Variants in RAD54B observed in about 807,000 individuals in gnomAD.
The protein encoded by RAD54B is DNA repair and recombination protein RAD54B.
In RAD54B, 78 loss-of-function variants were observed where a neutral mutation model predicts 95.8. The ratio of observed to expected loss-of-function variants is 0.81; its 90% CI spans 0.68 to 0.98. RAD54B has a LOEUF of 0.98. Ranked by LOEUF, RAD54B falls within the 50% of genes least tolerant of loss-of-function variation. RAD54B has a pLI of 0.00. For missense variants in RAD54B, 957 were observed against 1,056.6 expected (o/e 0.91, Z 1.31); for synonymous variants, 328 against 354.9 (o/e 0.92, Z 0.85).
At chr8:94,431,943 C>G (rs1186950405) in intron 3 of RAD54B, 1 of 1,260,796 alleles carries the variant, frequency 7.9e-7, no homozygotes, top group Non-Finnish European at 1.0e-6. Flanking sequence ...AAAACTATAA[C>G]CATGCCAACC....
chr8:94,411,446 C>G (rs1307087023), intron 3 of RAD54B, 131 bp from the exon 4 acceptor site: 4 of 680,780 alleles, frequency 5.9e-6, no homozygotes, highest in Non-Finnish European at 9.2e-6. Flanking sequence ...AATATTTGAT[C>G]ATACTCATGT....
chr8:94,412,967 CAA>C (rs1811567179), intron 3 of RAD54B, among the ~76,000 whole-genome samples: 1 of 151,770 alleles, frequency 6.6e-6, no homozygotes, highest in African/African-American at 2.4e-5. Context: ...ACAGTAGCTC[CAA>C]AAAACAGACA....
rs529942562 is a variant in RAD54B at position 94,452,962 on chromosome 8, C to T, written c.304+5306G>A. ...CATCACAATACATGATAAATGCACT[C>T]CTCACGCATTGCTGATGAGAGTATA... On this transcript the variant is annotated intron_variant, in intron 3 of 14. Transcript: ENST00000336148. Among the ~76,000 whole-genome samples, 16 of 152,274 alleles carry T rather than the reference C, an allele frequency of 1.1e-4. No homozygotes were observed. In the South Asian group the frequency reaches 2.9e-3, roughly 28 times the overall value.
chr8:94,429,160 G>A (rs897023587), intron 3 of RAD54B: 3 of 960,244 alleles, frequency 3.1e-6, no homozygotes, highest in Admixed American at 6.2e-5. Flanking sequence ...TGTAAAAATA[G>A]GTTTCTTATT....
chr8:94,380,384 T>C lies in RAD54B; in HGVS notation c.2008A>G (p.Thr670Ala). The change falls in exon 12 of 15, where the codon ACA becomes GCA. Residue 670 changes from threonine to alanine, a missense_variant. Thr to Ala is a moderately conservative substitution (Grantham distance 58). Coordinates refer to ENST00000336148, the MANE Select transcript of RAD54B (RefSeq NM_012415.3). ...TCTTGTAAAATGTTCAAGGTTTGTG[T>C]ATAGTTGGATACCAACACCACCCTG... is the stretch of plus-strand genomic sequence containing the variant. ...TEKVVLVSNY[T>A]QTLNILQEVC... The C allele has an allele frequency of 1.2e-6, 2 of 1,608,922 alleles. No individual in the cohort carries two copies. The highest frequency in any genetic ancestry group is 1.3e-5 in the African/African-American group (1 of 74,980).
In RAD54B at chr8:94,443,861, T is replaced by C. The variant is rs772472277; in HGVS notation, c.304+14407A>G. ...GATTGAGTCACATTTTTGGTTAATA[T>C]ACTGATTTGATCATTACACATTGTA... On this transcript the variant is annotated intron_variant, in intron 3 of 14. Transcript: ENST00000336148. 1.5e-4 allele frequency among the ~76,000 whole-genome samples: 23 copies of C among 152,018 alleles called. 1 individual carries two copies. Among genetic ancestry groups the C allele is most frequent in the Admixed American group, 6.6e-5 (1 of 15,256 alleles).
chr8:94,438,117 G>T (rs1586023789), intron 3 of RAD54B, among the ~76,000 whole-genome samples: 1 of 152,158 alleles, frequency 6.6e-6, no homozygotes. Context: ...AATCAAAAAT[G>T]AATCTAGATA....
chr8:94,448,937 CA>C (rs956877717), intron 3 of RAD54B, among the ~76,000 whole-genome samples: 4 of 151,884 alleles, frequency 2.6e-5, no homozygotes, highest in African/African-American at 9.7e-5. Context: ...TGGTCACACA[CA>C]AAAAACAGTA....
At chr8:94,431,647 T>C in intron 3 of RAD54B, 14 of 958,232 alleles carry the variant, frequency 1.5e-5, no homozygotes, top group Middle Eastern at 5.4e-4. Context: ...TCTCCAAATA[T>C]CTTCCATCTC....
In RAD54B at chr8:94,372,310, G is replaced by A. The variant is rs1810459642; in HGVS notation, c.2593C>T (p.Pro865Ser). ...TGCTTCAGCTGGGACATAGAAAGAG[G>A]TTTCAGGGAGTTAGATTTCTGGTGA... The part of the protein sequence containing the change: ...PHHQKSNSLK[P>S]LSMSQLKQWK... Residue 865 changes from proline (P) to serine (S), a missense_variant, in exon 15 of 15, where the codon CCT becomes TCT. Pro to Ser is a moderately conservative substitution (Grantham distance 74). Transcript: ENST00000336148. The A allele has an allele frequency of 3.7e-6, 6 of 1,613,688 alleles. No homozygotes were observed. The highest frequency in any genetic ancestry group is 1.3e-5 in the African/African-American group (1 of 74,918).
chr8:94,432,634 G>A (rs763862508), intron 3 of RAD54B: 2 of 1,537,938 alleles, frequency 1.3e-6, no homozygotes, highest in South Asian at 1.2e-5. Flanking sequence ...GTACCAGCCT[G>A]TGCCTCCTCA....
intron 3 of RAD54B, among the ~76,000 whole-genome samples, chr8:94,426,142 G>A (rs940678024): frequency 2.0e-4 from 31 of 151,790 alleles, no homozygotes; most frequent in African/African-American, 7.3e-4. Flanking sequence ...TAGTAGAGAC[G>A]GGGTTTCACC....
At chr8:94,425,257 G>A (rs1362991740) in intron 3 of RAD54B, among the ~76,000 whole-genome samples, 5 of 135,780 alleles carry the variant, frequency 3.7e-5, no homozygotes, top group African/African-American at 5.7e-5. Flanking sequence ...TTTTTAAAGA[G>A]GTCTTCAGGT....
At chr8:94,474,552 A>G (rs1013198204) in intron 1 of RAD54B, among the ~76,000 whole-genome samples, 1 of 152,160 alleles carries the variant, frequency 6.6e-6, no homozygotes, top group African/African-American at 2.4e-5. Flanking sequence ...AGGAAATACA[A>G]GAAAAACCTG....
At chr8:94,420,929 G>A (rs1456969251) in intron 3 of RAD54B, among the ~76,000 whole-genome samples, 2 of 149,200 alleles carry the variant, frequency 1.3e-5, no homozygotes, top group Non-Finnish European at 1.5e-5. Context: ...AGGTTGCAGT[G>A]AGCCGAGATC....
intron 3 of RAD54B, among the ~76,000 whole-genome samples, chr8:94,415,273 TC>T (rs1257675438): frequency 1.4e-5 from 2 of 145,978 alleles, no homozygotes; most frequent in Non-Finnish European, 3.0e-5. Context: ...GGGAAAGGAT[TC>T]CCTATTTAAT....
chr8:94,387,074 T>C lies in RAD54B; in HGVS notation c.1895A>G (p.Asn632Ser), dbSNP rs776228031. Residue 632 changes from asparagine to serine, a missense_variant, in exon 11 of 15, where the codon AAC (asparagine) becomes AGC (serine). Transcript: ENST00000336148. ...CTCCTTTTCAGTAAACAGGAGAGGG[T>C]TGTAGTCAGCAGGAAACACACTTAG... ...GLLSVFPADYNPLLFTEKESG... is the reference protein window; with the variant it reads ...GLLSVFPADYSPLLFTEKESG... 76 of 1,613,354 alleles carry C rather than the reference T, an allele frequency of 4.7e-5. No individual in the cohort carries two copies. The highest frequency in any genetic ancestry group is 2.0e-4 in the Admixed American group (12 of 59,956).
intron 3 of RAD54B, among the ~76,000 whole-genome samples, chr8:94,422,647 T>TATATATAG (rs1554606263): frequency 5.1e-5 from 5 of 98,876 alleles, no homozygotes; most frequent in African/African-American, 2.0e-4. Context: ...TATATATATA[T>TATATATAG]ATATATAAAA....
intron 3 of RAD54B, among the ~76,000 whole-genome samples, chr8:94,448,584 T>A (rs971598093): frequency 1.3e-4 from 19 of 151,740 alleles, no homozygotes; most frequent in Non-Finnish European, 2.8e-4. Context: ...AAAAGGAGAC[T>A]CTGTCATTTG....
Sources: allele counts gnomAD v4.1 joint callset (sites outside exome capture counted in the v4.1 genomes callset), GRCh38; gene constraint gnomAD v4.1.1; transcripts MANE v1.5; gene names NCBI Gene and HGNC (gene_info 2026-07-23, HGNC 2026-07-21).